MDGA1: variants seen among roughly 807,000 people sequenced by gnomAD.
The protein encoded by MDGA1 is MAM domain containing glycosylphosphatidylinositol anchor 1.
Under a neutral mutation model 101.5 loss-of-function variants are expected in MDGA1, and 54 were observed. That is an observed-to-expected ratio of 0.53 (90% CI 0.43 to 0.67). MDGA1 has a LOEUF of 0.67. Ranked by LOEUF, MDGA1 falls within the 30% of genes least tolerant of loss-of-function variation. MDGA1 has a pLI of 0.00. For synonymous variants in MDGA1, 533 were observed against 558.3 expected (o/e 0.95, Z 0.64); for missense variants, 1,083 against 1,323.8 (o/e 0.82, Z 2.82).
intron 1 of MDGA1, among the ~76,000 whole-genome samples, chr6:37,682,635 T>C (rs1762121527): frequency 1.3e-5 from 2 of 152,198 alleles, no homozygotes; most frequent in Admixed American, 1.3e-4. Flanking sequence ...GCTACAGATT[T>C]CTCTCCTGAC....
At chr6:37,654,602 G>A (rs1176304934) in intron 5 of MDGA1, 59 bp from the exon 6 acceptor site, 1 of 1,610,004 alleles carries the variant, frequency 6.2e-7, no homozygotes, top group African/African-American at 1.3e-5. Flanking sequence ...ATGTTGGGGA[G>A]AGTAAGGGGC....
chr6:37,679,402 G>A (rs997263497), intron 1 of MDGA1, among the ~76,000 whole-genome samples: 1 of 152,180 alleles, frequency 6.6e-6, no homozygotes, highest in Non-Finnish European at 1.5e-5. Context: ...CAGTGGGTGG[G>A]TGGCAGTAAA....
chr6:37,633,052 G>C lies in MDGA1; in HGVS notation c.*4316C>G, dbSNP rs962160629. 1 of 152,136 alleles carries C rather than the reference G, an allele frequency of 6.6e-6. No individual in the cohort carries two copies. Among genetic ancestry groups the C allele is most frequent in the Non-Finnish European group, 1.5e-5 (1 of 68,056 alleles). The allele number at this position is 152,136 out of a possible 1,614,324, so 9.4% of individuals were successfully genotyped here. A position where few individuals can be genotyped will look rare whatever the true frequency, so the allele number is the denominator to read the frequency against. On this transcript the variant is annotated 3_prime_UTR_variant, in exon 17 of 17. Coordinates refer to ENST00000434837, the MANE Select transcript of MDGA1 (RefSeq NM_153487.4). ...GAGTGCAGGCAACAAGAGGGCAAGG[G>C]GTGGGGTGGGCAGATGCCATCCCTC...
chr6:37,648,922 G>C, intron 9 of MDGA1, 60 bp downstream of exon 9: 1 of 1,511,734 alleles, frequency 6.6e-7, no homozygotes, highest in South Asian at 1.2e-5. Context: ...GGCTGGGATT[G>C]GGGCAGAGCC....
chr6:37,647,451 A>C (rs944917584), intron 9 of MDGA1, 127 bp from the exon 10 acceptor site: 3 of 619,180 alleles, frequency 4.8e-6, no homozygotes, highest in Non-Finnish European at 5.5e-6. Context: ...AACAAAGAGA[A>C]AGGGAATATT....
In MDGA1 at chr6:37,650,112, G is replaced by C; in HGVS notation, c.1606C>G (p.Gln536Glu). 1 of 1,608,054 alleles carries C rather than the reference G, an allele frequency of 6.2e-7. No homozygotes were observed. The highest frequency in any genetic ancestry group is 1.1e-5 in the South Asian group (1 of 90,852). The change falls in exon 8 of 17, where the codon CAG becomes GAG. Residue 536 changes from glutamine (Q) to glutamate (E), a missense_variant. This residue lies in a region of MDGA1 where 657 missense variants were observed against 771.4 expected (regional missense o/e 0.85). Coordinates refer to ENST00000434837, the MANE Select transcript of MDGA1 (RefSeq NM_153487.4). Reference protein sequence around the residue: ...PREAQVQLNVQFPPEVEPSSQ... With the variant: ...PREAQVQLNVEFPPEVEPSSQ... ...CCGGGTGGCGTGGTGGACTCACACT[G>C]CACGTTCAGCTGCACCTGGGCCTCA...
chr6:37,682,474 A>T (rs1762116768), intron 1 of MDGA1, among the ~76,000 whole-genome samples: 1 of 152,062 alleles, frequency 6.6e-6, no homozygotes, highest in Admixed American at 6.5e-5. Flanking sequence ...ACAGAGAGAG[A>T]CTCTGCCTCA....
At position 37,655,602 on chromosome 6, in the gene MDGA1, G is replaced by T; in HGVS notation, c.579+98C>A. 1.2e-6 allele frequency: 1 copy of T among 855,320 alleles called. No homozygotes were observed. The highest frequency in any genetic ancestry group is 1.8e-6 in the Non-Finnish European group (1 of 554,392). The allele number at this position is 855,320 out of a possible 1,614,324, so 53.0% of individuals were successfully genotyped here. Reference sequence around the variant, plus strand: ...GTGTTTCCAAAGTAAGAATAGAATTGTTGAAGTCAAGGCAGTCCCAAAAAC... The same window carrying T: ...GTGTTTCCAAAGTAAGAATAGAATTTTTGAAGTCAAGGCAGTCCCAAAAAC... On this transcript the variant is annotated intron_variant, in intron 4 of 16. Coordinates refer to ENST00000434837, the MANE Select transcript of MDGA1 (RefSeq NM_153487.4). The surrounding 1 kb of genome is among the most constrained non-coding windows in gnomAD (Gnocchi z 5.1).
At position 37,638,461 on chromosome 6, in the gene MDGA1, C is replaced by A; in HGVS notation, c.2667+76G>T. Reference sequence around the variant, plus strand: ...CATCCTTAGCCCCCAGGAAGAAGGACAAGGTTTTCCTAAGTGTTTCCTGGC... The same window carrying A: ...CATCCTTAGCCCCCAGGAAGAAGGAAAAGGTTTTCCTAAGTGTTTCCTGGC... On this transcript the variant is annotated intron_variant, in intron 15 of 16. Transcript: ENST00000434837. The surrounding 1 kb of genome is among the most constrained non-coding windows in gnomAD (Gnocchi z 4.8). 1 of 1,595,556 alleles carries A rather than the reference C, an allele frequency of 6.3e-7. No individual in the cohort carries two copies. The highest frequency in any genetic ancestry group is 8.6e-7 in the Non-Finnish European group (1 of 1,167,562).
chr6:37,696,838 G>A lies in MDGA1; in HGVS notation c.-27C>T, dbSNP rs991837522. ...TTCACGGCCGGTGCTTCATCCCCGC[G>A]AGGCGGCGCAGCCCGAGAGGCGGCG... On this transcript the variant is annotated 5_prime_UTR_variant, in exon 1 of 17. Transcript: ENST00000434837. The surrounding 1 kb of genome is among the most constrained non-coding windows in gnomAD (Gnocchi z 5.6). The A allele has an allele frequency of 6.4e-7, 1 of 1,554,262 alleles. No homozygotes were observed. The highest frequency in any genetic ancestry group is 1.4e-5 in the African/African-American group (1 of 73,476).
chr6:37,668,859 CTTTTTT>C (rs1262948291), intron 1 of MDGA1, among the ~76,000 whole-genome samples: 1 of 151,934 alleles, frequency 6.6e-6, no homozygotes, highest in African/African-American at 2.4e-5. Context: ...CTCTCTCTTT[CTTTTTT>C]GAGACGGAGT....
intron 2 of MDGA1, among the ~76,000 whole-genome samples, chr6:37,660,093 G>A (rs1761587410): frequency 6.7e-6 from 1 of 149,528 alleles, no homozygotes; most frequent in Non-Finnish European, 1.5e-5. Flanking sequence ...AGGCTGGAGT[G>A]CAGTGGTACT....
chr6:37,638,145 ACCCCCGCCACGCACAGCT>A lies in MDGA1; in HGVS notation c.2776+42_2776+59del. 7.1e-7 allele frequency: 1 copy of A among 1,404,204 alleles called. No homozygotes were observed. Among genetic ancestry groups the A allele is most frequent in the South Asian group, 1.2e-5 (1 of 84,574 alleles). 87.0% of individuals were successfully genotyped at this position (1,404,204 alleles called of 1,614,324 possible). On this transcript the variant is annotated intron_variant, in intron 16 of 16. Transcript: ENST00000434837. The surrounding 1 kb of genome is among the most constrained non-coding windows in gnomAD (Gnocchi z 4.8). Reference sequence around the variant, plus strand: ...AAACACCCTCCCTCAACAGACAGGAACCCCCGCCACGCACAGCTCCCTCCAGATTCAGCTCCCCCACCT... The same window carrying A: ...AAACACCCTCCCTCAACAGACAGGAACCCTCCAGATTCAGCTCCCCCACCT...
chr6:37,643,503 C>G, intron 14 of MDGA1: 1 of 289,004 alleles, frequency 3.5e-6, no homozygotes, highest in South Asian at 5.1e-5. Flanking sequence ...AACTCCTGAC[C>G]TCAGGTGATC....
chr6:37,672,665 G>A (rs1381213530), intron 1 of MDGA1, among the ~76,000 whole-genome samples: 1 of 152,214 alleles, frequency 6.6e-6, no homozygotes, highest in Non-Finnish European at 1.5e-5. Context: ...CCACCTCCCA[G>A]AAGCATCACT....
chr6:37,690,635 G>A (rs1762289381), intron 1 of MDGA1, among the ~76,000 whole-genome samples: 1 of 152,040 alleles, frequency 6.6e-6, no homozygotes, highest in African/African-American at 2.4e-5. Context: ...AAATTAGCTG[G>A]GTGTGGTGGA....
chr6:37,684,711 C>T (rs1762162267), intron 1 of MDGA1, among the ~76,000 whole-genome samples: 2 of 152,224 alleles, frequency 1.3e-5, no homozygotes, highest in Admixed American at 1.3e-4. Context: ...GAGCTCACTC[C>T]TTGCCATACC....
intron 1 of MDGA1, among the ~76,000 whole-genome samples, chr6:37,671,880 C>T (rs867623278): frequency 6.6e-5 from 10 of 152,218 alleles, no homozygotes; most frequent in Non-Finnish European, 1.0e-4. Flanking sequence ...CACCTTCAGG[C>T]CTATAATCCC....
At chr6:37,682,181 G>A (rs1300589712) in intron 1 of MDGA1, among the ~76,000 whole-genome samples, 3 of 152,170 alleles carry the variant, frequency 2.0e-5, no homozygotes, top group Non-Finnish European at 4.4e-5. Context: ...GTTGGTTTCT[G>A]CCTCTAAAAA....
Sources: gnomAD v4.1 joint callset for allele counts (sites outside exome capture counted in the v4.1 genomes callset) on GRCh38, gnomAD v4.1.1 for gene constraint, gnomAD v4.1.1 regional missense constraint, Gnocchi (gnomAD v3.1) non-coding constraint, MANE v1.5 for transcripts, NCBI Gene and HGNC (gene_info 2026-07-23, HGNC 2026-07-21) for gene names.